Variants in GLCE observed in about 807,000 individuals in gnomAD.
GLCE encodes the protein D-glucuronyl C5-epimerase.
GLCE carries 19 observed loss-of-function variants against 47.9 expected under a neutral mutation model. That is an observed-to-expected ratio of 0.40 (90% CI 0.28 to 0.58). The LOEUF is 0.58. Ranked by LOEUF, GLCE falls within the 20% of genes least tolerant of loss-of-function variation. GLCE has a pLI of 0.48. For synonymous variants in GLCE, 245 were observed against 263.4 expected, an observed-to-expected ratio of 0.93 and a Z score of 0.68; for missense variants, 556 against 743.3, an observed-to-expected ratio of 0.75 and a Z score of 2.93.
At chr15:69,197,656 G>A (rs1257101470) in intron 1 of GLCE, among the ~76,000 whole-genome samples, 1 of 152,146 alleles carries the variant, frequency 6.6e-6, no homozygotes, top group Non-Finnish European at 1.5e-5. Flanking sequence ...TAGCAATGTG[G>A]AAGATGTTGG....
At chr15:69,222,929 C>G (rs899160880) in intron 2 of GLCE, among the ~76,000 whole-genome samples, 1 of 152,166 alleles carries the variant, frequency 6.6e-6, no homozygotes, top group African/African-American at 2.4e-5. Context: ...TTATAACACT[C>G]TAATTTGAGC....
intron 1 of GLCE, among the ~76,000 whole-genome samples, chr15:69,161,481 C>G (rs2051419780): frequency 6.6e-6 from 1 of 151,810 alleles, no homozygotes. Flanking sequence ...TTGGCATGGT[C>G]TCCAGTCTTT....
intron 1 of GLCE, among the ~76,000 whole-genome samples, chr15:69,182,385 A>C (rs926895585): frequency 6.9e-6 from 1 of 144,118 alleles, no homozygotes; most frequent in African/African-American, 2.6e-5. Flanking sequence ...ATTGCGCTGA[A>C]AGAGAGAGAG....
In GLCE at chr15:69,211,060, A is replaced by G. The variant is rs189324648; in HGVS notation, c.-14+654A>G. On this transcript the variant is annotated intron_variant, in intron 2 of 4. Transcript: ENST00000261858. ...TGTATGAAAACTTATTAGAGATTTAAATATGCATATAAGTATATGTGCAGA... is the reference window on the plus strand; with the variant it reads ...TGTATGAAAACTTATTAGAGATTTAGATATGCATATAAGTATATGTGCAGA... 2.6e-5 allele frequency among the ~76,000 whole-genome samples: 4 copies of G among 152,230 alleles called. No individual in the cohort carries two copies. The East Asian group carries it at 7.7e-4, about 29-fold the overall frequency.
intron 2 of GLCE, among the ~76,000 whole-genome samples, chr15:69,233,030 A>C (rs2052546331): frequency 6.6e-6 from 1 of 152,196 alleles, no homozygotes; most frequent in South Asian, 2.1e-4. Flanking sequence ...AAGATGACTT[A>C]CTTAACATTG....
intron 1 of GLCE, among the ~76,000 whole-genome samples, chr15:69,200,549 A>C (rs755036571): frequency 4.6e-5 from 7 of 152,174 alleles, no homozygotes; most frequent in African/African-American, 9.6e-5. Context: ...CTTTTAAACA[A>C]GGTCTTTCTT....
chr15:69,204,475 G>C (rs1566955194), intron 1 of GLCE, among the ~76,000 whole-genome samples: 3 of 151,832 alleles, frequency 2.0e-5, no homozygotes, highest in Non-Finnish European at 4.4e-5. Flanking sequence ...GGTAGAGACA[G>C]GGTTTCACCA....
At chr15:69,267,682 G>C (rs897636492) in intron 4 of GLCE, among the ~76,000 whole-genome samples, 4 of 152,160 alleles carry the variant, frequency 2.6e-5, no homozygotes, top group Non-Finnish European at 4.4e-5. Flanking sequence ...AATAGTAATA[G>C]CACCTACCCT....
intron 2 of GLCE, among the ~76,000 whole-genome samples, chr15:69,255,065 C>T (rs1354538692): frequency 6.6e-6 from 1 of 152,106 alleles, no homozygotes; most frequent in East Asian, 1.9e-4. Context: ...AGGAAAGAGC[C>T]ATTGACTATT....
chr15:69,183,766 A>G lies in GLCE; in HGVS notation c.-105+23009A>G, dbSNP rs191664671. On this transcript the variant is annotated intron_variant, in intron 1 of 4. Transcript: ENST00000261858. ...CAACCTTGGCTCAAATAAATTCTCT[A>G]TATTAATTTTACTTCAGTTTCTTCC... 4.6e-5 allele frequency among the ~76,000 whole-genome samples: 7 copies of G among 152,300 alleles called. No individual in the cohort carries two copies. In the East Asian group the frequency reaches 9.6e-4, roughly 21 times the overall value.
intron 1 of GLCE, among the ~76,000 whole-genome samples, chr15:69,172,742 A>C (rs2051607114): frequency 6.6e-6 from 1 of 152,372 alleles, no homozygotes; most frequent in East Asian, 1.9e-4. Flanking sequence ...GTGTGCCTCA[A>C]GAAGCTATCA....
intron 2 of GLCE, among the ~76,000 whole-genome samples, chr15:69,254,817 G>A (rs2052898617): frequency 6.6e-6 from 1 of 152,170 alleles, no homozygotes; most frequent in Non-Finnish European, 1.5e-5. Context: ...CTGGCCTGGC[G>A]AGAGAATTTG....
At position 69,269,720 on chromosome 15, in the gene GLCE, C is replaced by A. The variant is rs1418711990; in HGVS notation, c.*476C>A. On this transcript the variant is annotated 3_prime_UTR_variant, in exon 5 of 5. Coordinates refer to ENST00000261858, the MANE Select transcript of GLCE (RefSeq NM_015554.3). The stretch of plus-strand genomic sequence containing the variant: ...TGTAGCCTGGATAGCAGACTGTGTT[C>A]AACTTTTTAAAAAGATGTTTCCTTT... 6.5e-6 allele frequency: 1 copy of A among 153,294 alleles called. No homozygotes were observed. 9.5% of individuals were successfully genotyped at this position (153,294 alleles called of 1,614,324 possible).
chr15:69,268,193 T>C (rs764692700), intron 4 of GLCE, 27 bp from the exon 5 acceptor site: 47 of 1,458,216 alleles, frequency 3.2e-5, no homozygotes, highest in Admixed American at 4.3e-5. Flanking sequence ...TTCTAACCAG[T>C]CTTTGTTGGT....
chr15:69,238,248 C>G (rs974694600), intron 2 of GLCE, among the ~76,000 whole-genome samples: 2 of 152,022 alleles, frequency 1.3e-5, no homozygotes, highest in African/African-American at 4.8e-5. Flanking sequence ...TCTTTCTGCT[C>G]TTATCTAGTT....
intron 1 of GLCE, among the ~76,000 whole-genome samples, chr15:69,209,184 T>TA (rs1357182577): frequency 6.6e-6 from 1 of 152,102 alleles, no homozygotes; most frequent in African/African-American, 2.4e-5. Flanking sequence ...TGTTTGCACT[T>TA]ACTTGTTAAA....
chr15:69,256,022 G>T lies in GLCE; in HGVS notation c.216G>T (p.Gln72His). ...NNYMNHVAKQ[Q>H]SEEAFPQEQQ... ...ATATGAACCACGTGGCCAAACAACAGTCTGAGGAAGCATTCCCTCAGGAAC... is the reference window on the plus strand; with the variant it reads ...ATATGAACCACGTGGCCAAACAACATTCTGAGGAAGCATTCCCTCAGGAAC... The change falls in exon 3 of 5, where the codon CAG (glutamine) becomes CAT (histidine). Residue 72 changes from glutamine to histidine, a missense_variant. Physicochemically the swap from Gln to His is conservative, Grantham distance 24. Transcript: ENST00000261858. 1 of 1,614,060 alleles carries T rather than the reference G, an allele frequency of 6.2e-7. No individual in the cohort carries two copies. Among genetic ancestry groups the T allele is most frequent in the Non-Finnish European group, 8.5e-7 (1 of 1,179,946 alleles).
At chr15:69,193,356 C>T (rs2051941118) in intron 1 of GLCE, among the ~76,000 whole-genome samples, 1 of 152,004 alleles carries the variant, frequency 6.6e-6, no homozygotes, top group African/African-American at 2.4e-5. Context: ...TATTTCCAGA[C>T]CCTCTTTGTC....
At chr15:69,183,057 A>C (rs1390530824) in intron 1 of GLCE, among the ~76,000 whole-genome samples, 1 of 152,032 alleles carries the variant, frequency 6.6e-6, no homozygotes, top group Admixed American at 6.6e-5. Context: ...AAAATTGAGA[A>C]GGTTTAAGGT....
Sources: allele counts gnomAD v4.1 joint callset (sites outside exome capture counted in the v4.1 genomes callset), GRCh38; gene constraint gnomAD v4.1.1; transcripts MANE v1.5; gene names NCBI Gene and HGNC (gene_info 2026-07-23, HGNC 2026-07-21).